ZC3H14: variants seen among roughly 807,000 people sequenced by gnomAD.
ZC3H14 encodes the protein zinc finger CCCH domain-containing protein 14.
Under a neutral mutation model 92.4 loss-of-function variants are expected in ZC3H14, and 31 were observed. That is an observed-to-expected ratio of 0.34 (90% CI 0.25 to 0.45). The LOEUF is 0.45. ZC3H14 is among the 20% of genes least tolerant of loss of function. The pLI is 1.00. For missense variants in ZC3H14, 781 were observed against 897.3 expected, an observed-to-expected ratio of 0.87 and a Z score of 1.66; for synonymous variants, 321 against 300.9, an observed-to-expected ratio of 1.07 and a Z score of -0.69.
At position 88,572,315 on chromosome 14, in the gene ZC3H14, C is replaced by T; in HGVS notation, c.431+90C>T. 3 of 1,442,172 alleles carry T rather than the reference C, an allele frequency of 2.1e-6. No individual in the cohort carries two copies. The South Asian group carries it at 3.8e-5, about 18-fold the overall frequency. The allele number at this position is 1,442,172 out of a possible 1,614,324, so 89.3% of individuals were successfully genotyped here. ...TTTATATCTTTCAGTTTGCTGTTCT[C>T]AGCAATTTTTAGAAACAATGAAGTG... On this transcript the variant is annotated intron_variant, in intron 5 of 16. Transcript: ENST00000251038.
chr14:88,611,030 A>G, intron 16 of ZC3H14, 90 bp downstream of exon 16: 1 of 1,267,126 alleles, frequency 7.9e-7, no homozygotes, highest in Non-Finnish European at 1.1e-6. Context: ...AAAATTGGAA[A>G]CTAGACTGTT....
chr14:88,601,318 T>A (rs545511111), intron 10 of ZC3H14, among the ~76,000 whole-genome samples: 2 of 152,330 alleles, frequency 1.3e-5, no homozygotes, highest in South Asian at 4.1e-4. Flanking sequence ...GTTGTAGGTC[T>A]TGGCATATTT....
At chr14:88,583,266 G>A (rs139343843) in intron 9 of ZC3H14, among the ~76,000 whole-genome samples, 35 of 151,822 alleles carry the variant, frequency 2.3e-4, no homozygotes, top group Non-Finnish European at 4.3e-4. Flanking sequence ...ATAGGCACAC[G>A]CCACCACGCC....
Position 88,618,258 on chromosome 14 carries a change from A to G in ZC3H14, c.*6507A>G. Reference sequence around the variant, plus strand: ...CCATGTAGCCCAAGTAATTCTGTCAATAGCGGCATGATCCATAAGATGTTT... The same window carrying G: ...CCATGTAGCCCAAGTAATTCTGTCAGTAGCGGCATGATCCATAAGATGTTT... On this transcript the variant is annotated 3_prime_UTR_variant, in exon 17 of 17. Coordinates refer to ENST00000251038, the MANE Select transcript of ZC3H14 (RefSeq NM_024824.5). 4.3e-6 allele frequency: 7 copies of G among 1,613,852 alleles called. No individual in the cohort carries two copies. Among genetic ancestry groups the G allele is most frequent in the Non-Finnish European group, 5.9e-6 (7 of 1,179,860 alleles).
In ZC3H14 at chr14:88,619,515, A is replaced by G. The variant is rs2088465734; in HGVS notation, c.*7764A>G. 1 of 152,198 alleles carries G rather than the reference A, an allele frequency of 6.6e-6. No homozygotes were observed. The highest frequency in any genetic ancestry group is 1.5e-5 in the Non-Finnish European group (1 of 68,036). 9.4% of individuals were successfully genotyped at this position (152,198 alleles called of 1,614,324 possible). A position where few individuals can be genotyped will look rare whatever the true frequency, so the allele number is the denominator to read the frequency against. On this transcript the variant is annotated 3_prime_UTR_variant, in exon 17 of 17. Coordinates refer to ENST00000251038, the MANE Select transcript of ZC3H14 (RefSeq NM_024824.5). ...CCACAACACCCAGTCAGAACATCTC[A>G]GCTTTTAAAAGCCATTAGCATTACA...
intron 1 of ZC3H14, chr14:88,563,383 T>G: frequency 3.5e-6 from 5 of 1,438,566 alleles, no homozygotes; most frequent in Non-Finnish European, 4.5e-6. Flanking sequence ...CGCCGGGAAA[T>G]GGAAGGACAG....
At chr14:88,570,225 CCAAA>C (rs1234070288) in intron 3 of ZC3H14, among the ~76,000 whole-genome samples, 1 of 152,116 alleles carries the variant, frequency 6.6e-6, no homozygotes, top group Non-Finnish European at 1.5e-5. Flanking sequence ...AACACCAGCC[CCAAA>C]CAGACTATTG....
chr14:88,615,966 T>C lies in ZC3H14; in HGVS notation c.*4215T>C, dbSNP rs942715327. On this transcript the variant is annotated 3_prime_UTR_variant, in exon 17 of 17. Coordinates refer to ENST00000251038, the MANE Select transcript of ZC3H14 (RefSeq NM_024824.5). ...TTACATGTGTAATATTTTTCCTCTT[T>C]AACTCCTTTTATTCTGTATTTGCAT... 3 of 1,320,382 alleles carry C rather than the reference T, an allele frequency of 2.3e-6. No individual in the cohort carries two copies. Among genetic ancestry groups the C allele is most frequent in the African/African-American group, 2.9e-5 (2 of 68,040 alleles). The allele number at this position is 1,320,382 out of a possible 1,614,324, so 81.8% of individuals were successfully genotyped here. A position where few individuals can be genotyped will look rare whatever the true frequency, so the allele number is the denominator to read the frequency against.
At chr14:88,578,792 T>TTG (rs1383128657) in intron 9 of ZC3H14, among the ~76,000 whole-genome samples, 2 of 147,820 alleles carry the variant, frequency 1.4e-5, no homozygotes, top group African/African-American at 5.0e-5. Flanking sequence ...TTTTTTTTTT[T>TTG]TTTTTTTTTT....
rs1369427682 is a variant in ZC3H14, at chr14:88,609,754, G to A, written c.2048G>A (p.Arg683His). 16 of 1,614,086 alleles carry A rather than the reference G, an allele frequency of 9.9e-6. No homozygotes were observed. Among genetic ancestry groups the A allele is most frequent in the South Asian group, 2.2e-5 (2 of 91,084 alleles). Residue 683 changes from arginine to histidine, a missense_variant, in exon 15 of 17, where the codon CGT becomes CAT. This residue lies in a region of ZC3H14 where 221 missense variants were observed against 304.7 expected (regional missense o/e 0.73). Transcript: ENST00000251038. Reference sequence around the variant, plus strand: ...CCACCTTCCAGTAGTCAGCTCTGCCGTTACTTCCCTGCTTGTAAGAAGATG... The same window carrying A: ...CCACCTTCCAGTAGTCAGCTCTGCCATTACTTCCCTGCTTGTAAGAAGATG... Reference protein sequence around the residue: ...PAPPSSSQLCRYFPACKKMEC... With the variant: ...PAPPSSSQLCHYFPACKKMEC...
At chr14:88,602,492 C>T (rs1472111347) in intron 11 of ZC3H14, among the ~76,000 whole-genome samples, 3 of 152,186 alleles carry the variant, frequency 2.0e-5, no homozygotes, top group East Asian at 3.9e-4. Context: ...ATAAATGCTG[C>T]TGGCCCTTGT....
Position 88,613,204 on chromosome 14 carries a change from G to C in ZC3H14, c.*1453G>C, listed in dbSNP as rs979202607. On this transcript the variant is annotated 3_prime_UTR_variant, in exon 17 of 17. Coordinates refer to ENST00000251038, the MANE Select transcript of ZC3H14 (RefSeq NM_024824.5). ...GGAAAGGCTTGAAACACGAGAAGCAGCAAAGACAGAGCACACAAGTGCATA... is the reference window on the plus strand; with the variant it reads ...GGAAAGGCTTGAAACACGAGAAGCACCAAAGACAGAGCACACAAGTGCATA... 6.6e-6 allele frequency: 1 copy of C among 152,180 alleles called. No individual in the cohort carries two copies. Among genetic ancestry groups the C allele is most frequent in the Admixed American group, 6.5e-5 (1 of 15,282 alleles). 9.4% of individuals were successfully genotyped at this position (152,180 alleles called of 1,614,324 possible).
intron 2 of ZC3H14, among the ~76,000 whole-genome samples, chr14:88,567,681 AAAC>A (rs2079880294): frequency 6.6e-6 from 1 of 152,200 alleles, no homozygotes; most frequent in Non-Finnish European, 1.5e-5. Flanking sequence ...AATTAAAACT[AAAC>A]AAAACTCAAT....
At chr14:88,576,076 A>T (rs1457219145) in intron 8 of ZC3H14, 136 bp downstream of exon 8, 11 of 762,164 alleles carry the variant, frequency 1.4e-5, no homozygotes, top group Admixed American at 2.8e-5. Context: ...TCCCATATAG[A>T]AAAATGGCTT....
In ZC3H14 at chr14:88,618,343, G is replaced by C; in HGVS notation, c.*6592G>C. ...CAGCCACTAGAGACCTTTTTCATCAGATTAAAATGGGACAAGAATTCCATT... is the reference window on the plus strand; with the variant it reads ...CAGCCACTAGAGACCTTTTTCATCACATTAAAATGGGACAAGAATTCCATT... On this transcript the variant is annotated 3_prime_UTR_variant, in exon 17 of 17. Coordinates refer to ENST00000251038, the MANE Select transcript of ZC3H14 (RefSeq NM_024824.5). 2 of 1,609,722 alleles carry C rather than the reference G, an allele frequency of 1.2e-6. No homozygotes were observed. The highest frequency in any genetic ancestry group is 1.7e-6 in the Non-Finnish European group (2 of 1,176,928).
At position 88,614,946 on chromosome 14, in the gene ZC3H14, T is replaced by C. The variant is rs2087352672; in HGVS notation, c.*3195T>C. The C allele has an allele frequency of 6.6e-6, 1 of 152,348 alleles. No individual in the cohort carries two copies. The highest frequency in any genetic ancestry group is 1.5e-5 in the Non-Finnish European group (1 of 68,028). The allele number at this position is 152,348 out of a possible 1,614,324, so 9.4% of individuals were successfully genotyped here. A position where few individuals can be genotyped will look rare whatever the true frequency, so the allele number is the denominator to read the frequency against. On this transcript the variant is annotated 3_prime_UTR_variant, in exon 17 of 17. Coordinates refer to ENST00000251038, the MANE Select transcript of ZC3H14 (RefSeq NM_024824.5). ...TATATGTGAATTTAACACTTTTGTT[T>C]ACATGTTAAACAAATGTGTATATAT... is the stretch of plus-strand genomic sequence containing the variant.
chr14:88,574,620 A>G, intron 6 of ZC3H14, 73 bp from the exon 7 acceptor site: 1 of 1,579,898 alleles, frequency 6.3e-7, no homozygotes, highest in Non-Finnish European at 8.7e-7. Flanking sequence ...TTTTTCTTAA[A>G]ATGGAAACAT....
chr14:88,609,182 G>A, intron 13 of ZC3H14, 85 bp from the exon 14 acceptor site: 2 of 1,533,434 alleles, frequency 1.3e-6, no homozygotes, highest in South Asian at 1.1e-5. Flanking sequence ...AAGTAGTGAT[G>A]GGGAGTGTAA....
chr14:88,568,011 G>C (rs1254753355), intron 2 of ZC3H14, 28 bp from the exon 3 acceptor site: 2 of 1,595,670 alleles, frequency 1.3e-6, no homozygotes, highest in Non-Finnish European at 1.7e-6. Flanking sequence ...AGGAAACAAA[G>C]TTTTGATCTA....
Sources: gnomAD v4.1 joint callset for allele counts (sites outside exome capture counted in the v4.1 genomes callset) on GRCh38, gnomAD v4.1.1 for gene constraint, gnomAD v4.1.1 regional missense constraint, MANE v1.5 for transcripts, NCBI Gene and HGNC (gene_info 2026-07-23, HGNC 2026-07-21) for gene names.